YES1: variants seen among roughly 807,000 people sequenced by gnomAD.
YES1 encodes the protein tyrosine-protein kinase Yes.
Under a neutral mutation model 70.4 loss-of-function variants are expected in YES1, and 39 were observed. The observed-to-expected ratio is 0.55, with a 90% CI of 0.43 to 0.72. The LOEUF is 0.72. Ranked by LOEUF, YES1 falls within the 30% of genes least tolerant of loss-of-function variation. The probability of loss-of-function intolerance (pLI) is 0.00; values close to 1 mark genes in which losing one functional copy is unlikely to be tolerated. For missense variants in YES1, 495 were observed against 644.8 expected (o/e 0.77, Z 2.52); for synonymous variants, 198 against 218.6 (o/e 0.91, Z 0.83).
At chr18:729,330 G>A (rs1330827821) in intron 11 of YES1, among the ~76,000 whole-genome samples, 3 of 151,922 alleles carry the variant, frequency 2.0e-5, no homozygotes, top group African/African-American at 4.8e-5. Context: ...CAGGAGAATC[G>A]CTGGAACCTG....
chr18:788,236 G>C (rs1378646433), intron 1 of YES1, among the ~76,000 whole-genome samples: 1 of 152,102 alleles, frequency 6.6e-6, no homozygotes, highest in Non-Finnish European at 1.5e-5. Flanking sequence ...CAAAGTTTTT[G>C]ATTCAAAAAA....
chr18:747,699 G>A (rs528934225), intron 4 of YES1, among the ~76,000 whole-genome samples: 1 of 152,170 alleles, frequency 6.6e-6, no homozygotes, highest in Admixed American at 6.5e-5. Flanking sequence ...GAGAGACTAG[G>A]CATAAGGAAA....
At chr18:803,017 TA>T (rs1906904862) in intron 1 of YES1, among the ~76,000 whole-genome samples, 1 of 151,478 alleles carries the variant, frequency 6.6e-6, no homozygotes. Flanking sequence ...CCCTTGAGCC[TA>T]GGGGGTTTAA....
intron 1 of YES1, among the ~76,000 whole-genome samples, chr18:790,530 G>C (rs1365877738): frequency 2.6e-5 from 4 of 152,020 alleles, no homozygotes; most frequent in Non-Finnish European, 4.4e-5. Flanking sequence ...CAATGAAACA[G>C]ATAAATCACT....
chr18:748,087 A>G, intron 3 of YES1, 69 bp from the exon 4 acceptor site: 1 of 1,266,984 alleles, frequency 7.9e-7, no homozygotes, highest in Non-Finnish European at 1.1e-6. Flanking sequence ...TTGCAGTGCT[A>G]TCTTGTATCT....
intron 1 of YES1, among the ~76,000 whole-genome samples, chr18:778,829 G>A (rs1390309300): frequency 2.0e-5 from 3 of 152,114 alleles, no homozygotes; most frequent in African/African-American, 7.2e-5. Flanking sequence ...AGAGAAGGAA[G>A]CAGCAGACTA....
chr18:729,804 T>C (rs944187067), intron 11 of YES1, among the ~76,000 whole-genome samples: 1 of 151,984 alleles, frequency 6.6e-6, no homozygotes, highest in Admixed American at 6.5e-5. Context: ...TTTTTGTATT[T>C]TTAGCAGAGA....
In YES1 at chr18:747,904, T is replaced by G; in HGVS notation, c.470+16A>C. 6.2e-7 allele frequency: 1 copy of G among 1,606,882 alleles called. No individual in the cohort carries two copies. The highest frequency in any genetic ancestry group is 8.5e-7 in the Non-Finnish European group (1 of 1,176,176). ...AAAAATCAAAATAATTAATAAAATATGAAGTAGTGCCATACTCTTCTGCCT... is the reference window on the plus strand; with the variant it reads ...AAAAATCAAAATAATTAATAAAATAGGAAGTAGTGCCATACTCTTCTGCCT... On this transcript the variant is annotated intron_variant, in intron 4 of 11. Coordinates refer to ENST00000314574, the MANE Select transcript of YES1 (RefSeq NM_005433.4).
intron 1 of YES1, among the ~76,000 whole-genome samples, chr18:806,369 A>G (rs942649211): frequency 2.6e-5 from 4 of 152,224 alleles, no homozygotes; most frequent in Non-Finnish European, 5.9e-5. Context: ...GGACTGCTTA[A>G]GCTATTTTGT....
intron 3 of YES1, among the ~76,000 whole-genome samples, chr18:750,599 G>T (rs1568195899): frequency 6.6e-6 from 1 of 152,152 alleles, no homozygotes; most frequent in Non-Finnish European, 1.5e-5. Context: ...TGGTCTAAAA[G>T]AATAACAAGC....
intron 1 of YES1, among the ~76,000 whole-genome samples, chr18:782,204 T>C (rs767540109): frequency 3.3e-5 from 5 of 152,242 alleles, no homozygotes; most frequent in Non-Finnish European, 7.3e-5. Flanking sequence ...TGCTTCATTC[T>C]TCTCTCCTGT....
intron 1 of YES1, among the ~76,000 whole-genome samples, chr18:758,882 T>G (rs1389739092): frequency 6.6e-6 from 1 of 152,254 alleles, no homozygotes; most frequent in Non-Finnish European, 1.5e-5. Flanking sequence ...ATTATTCTAT[T>G]CACTGTCTAC....
At chr18:727,583 G>A (rs993868864) in intron 11 of YES1, among the ~76,000 whole-genome samples, 1 of 110,568 alleles carries the variant, frequency 9.0e-6, no homozygotes, top group East Asian at 3.1e-4. Flanking sequence ...TCCTCTGTTG[G>A]CTTTTTGTCT....
At chr18:800,870 G>C (rs995772713) in intron 1 of YES1, among the ~76,000 whole-genome samples, 1 of 152,178 alleles carries the variant, frequency 6.6e-6, no homozygotes, top group Non-Finnish European at 1.5e-5. Flanking sequence ...AACAAAGGCT[G>C]GGTGTGGTGG....
intron 1 of YES1, among the ~76,000 whole-genome samples, chr18:787,735 T>C (rs1005799204): frequency 2.0e-5 from 3 of 152,114 alleles, no homozygotes; most frequent in African/African-American, 7.2e-5. Context: ...TTCTGTTGAA[T>C]TATCAATTCT....
Position 732,828 on chromosome 18 carries a change from G to A in YES1, c.1423+6C>T, listed in dbSNP as rs1402050016. 1 of 1,614,008 alleles carries A rather than the reference G, an allele frequency of 6.2e-7. No homozygotes were observed. The highest frequency in any genetic ancestry group is 2.2e-5 in the East Asian group (1 of 44,896). On this transcript the variant is annotated splice_donor_region_variant and intron_variant, in intron 11 of 11. Coordinates refer to ENST00000314574, the MANE Select transcript of YES1 (RefSeq NM_005433.4). Reference sequence around the variant, plus strand: ...GATAACCAAGAGCTATAAAATGCAAGCTTACCTGGATATGGCACTCGGCCC... The same window carrying A: ...GATAACCAAGAGCTATAAAATGCAAACTTACCTGGATATGGCACTCGGCCC...
In YES1 at chr18:732,566, T is replaced by G. The variant is rs529472623; in HGVS notation, c.1423+268A>C. On this transcript the variant is annotated intron_variant, in intron 11 of 11. Coordinates refer to ENST00000314574, the MANE Select transcript of YES1 (RefSeq NM_005433.4). ...ATCTGAGAGAACAGTAAGAGGCCCCTTTGGAAAATGTCCTGAGAAAGCTGA... is the reference window on the plus strand; with the variant it reads ...ATCTGAGAGAACAGTAAGAGGCCCCGTTGGAAAATGTCCTGAGAAAGCTGA... 1.1e-4 allele frequency among the ~76,000 whole-genome samples: 17 copies of G among 152,078 alleles called. 1 individual carries two copies. The highest frequency in any genetic ancestry group is 1.0e-3 in the South Asian group (5 of 4,802).
At chr18:776,646 G>A (rs1169298281) in intron 1 of YES1, among the ~76,000 whole-genome samples, 3 of 152,102 alleles carry the variant, frequency 2.0e-5, no homozygotes, top group Non-Finnish European at 4.4e-5. Context: ...AACATAAAAA[G>A]CATTAATATT....
chr18:798,232 TTC>T, intron 1 of YES1: 1 of 152,356 alleles, frequency 6.6e-6, no homozygotes, highest in South Asian at 2.1e-4. Flanking sequence ...AAACTATGTG[TTC>T]TGTGTCACCT....
Sources: gnomAD v4.1 joint callset for allele counts (sites outside exome capture counted in the v4.1 genomes callset) on GRCh38, gnomAD v4.1.1 for gene constraint, MANE v1.5 for transcripts, NCBI Gene and HGNC (gene_info 2026-07-23, HGNC 2026-07-21) for gene names.